The following CYFIP2 variants were observed in gnomAD, a reference collection of about 807,000 sequenced individuals.
CYFIP2 encodes the protein cytoplasmic FMR1-interacting protein 2.
A neutral mutation model predicts 158.7 loss-of-function variants in CYFIP2; 29 were observed. That is an observed-to-expected ratio of 0.18 (90% CI 0.14 to 0.25). The LOEUF (loss-of-function observed/expected upper bound fraction) is 0.25, where lower values mean the gene tolerates loss of function less well. Ranked by LOEUF, CYFIP2 falls within the 10% of genes least tolerant of loss-of-function variation. The pLI, the probability that CYFIP2 is intolerant of heterozygous loss-of-function variation, is 1.00. For synonymous variants in CYFIP2, 585 were observed against 617.6 expected, an observed-to-expected ratio of 0.95 and a Z score of 0.78; for missense variants, 852 against 1,639.5, an observed-to-expected ratio of 0.52 and a Z score of 8.29.
rs1005743534 is a variant in CYFIP2 at position 157,339,390 on chromosome 5, G to A, written c.2585+134G>A. 2.0e-5 allele frequency: 15 copies of A among 744,158 alleles called. No homozygotes were observed. The African/African-American group carries it at 2.3e-4, about 11-fold the overall frequency. The allele number at this position is 744,158 out of a possible 1,614,324, so 46.1% of individuals were successfully genotyped here. ...CTCTCAGAGCCCCTCCTGGGCACAG[G>A]CTTTGTGCTGTCTCACTTGCCTAAG... On this transcript the variant is annotated intron_variant, in intron 22 of 30. Coordinates refer to ENST00000620254, the MANE Select transcript of CYFIP2 (RefSeq NM_001037333.3).
At chr5:157,390,476 C>CACA in intron 29 of CYFIP2, 45 bp from the exon 30 acceptor site, 1 of 1,497,694 alleles carries the variant, frequency 6.7e-7, no homozygotes, top group Non-Finnish European at 9.0e-7. Context: ...CCCTGCCCTC[C>CACA]TCCCCCGACC....
At chr5:157,332,610 G>A (rs1441736314) in intron 20 of CYFIP2, among the ~76,000 whole-genome samples, 1 of 152,064 alleles carries the variant, frequency 6.6e-6, no homozygotes, top group African/African-American at 2.4e-5. Context: ...TTTCTTATCG[G>A]TGCATGCACG....
At position 157,311,432 on chromosome 5, in the gene CYFIP2, T is replaced by C. The variant is rs1218912244; in HGVS notation, c.993-232T>C. 3.6e-6 allele frequency: 2 copies of C among 557,712 alleles called. No individual in the cohort carries two copies. The highest frequency in any genetic ancestry group is 6.4e-6 in the Non-Finnish European group (2 of 310,450). 34.5% of individuals were successfully genotyped at this position (557,712 alleles called of 1,614,324 possible). On this transcript the variant is annotated intron_variant, in intron 10 of 30. Transcript: ENST00000620254. The surrounding 1 kb of genome is among the most constrained non-coding windows in gnomAD (Gnocchi z 4.7). ...ACCAGGTATCTGGAAAGGCCTACAG[T>C]TGGATCCTAGATGAGGCTGGCACCA...
chr5:157,380,454 T>C (rs1765938150), intron 26 of CYFIP2, among the ~76,000 whole-genome samples: 1 of 152,180 alleles, frequency 6.6e-6, no homozygotes. Flanking sequence ...AGAAGCAAAA[T>C]GAGGTTCATT....
At chr5:157,364,771 A>G (rs1464078984) in intron 26 of CYFIP2, 2 of 152,234 alleles carry the variant, frequency 1.3e-5, no homozygotes, top group East Asian at 1.9e-4. Flanking sequence ...TTAGGAAGCT[A>G]GAATTAAATT....
intron 26 of CYFIP2, among the ~76,000 whole-genome samples, chr5:157,369,432 G>T (rs796895131): frequency 6.6e-6 from 1 of 152,134 alleles, no homozygotes; most frequent in Non-Finnish European, 1.5e-5. Flanking sequence ...GGTCATTAGC[G>T]TATCCTCAAC....
intron 23 of CYFIP2, among the ~76,000 whole-genome samples, chr5:157,350,829 G>A (rs1436209703): frequency 6.6e-6 from 1 of 152,138 alleles, no homozygotes; most frequent in Non-Finnish European, 1.5e-5. Context: ...AGTTTTCCTT[G>A]TAGAGGTCTT....
At chr5:157,389,531 G>C in intron 29 of CYFIP2, 104 bp downstream of exon 29, 1 of 1,083,566 alleles carries the variant, frequency 9.2e-7, no homozygotes, top group Non-Finnish European at 1.3e-6. Flanking sequence ...GGGGGTGGGG[G>C]TGGTTGGCCA....
rs1341378145 is a variant in CYFIP2 at position 157,330,788 on chromosome 5, G to A, written c.2203G>A (p.Val735Ile). Reference protein sequence around the residue: ...RFRAECKNYGVIIPYPPSNRY... With the variant: ...RFRAECKNYGIIIPYPPSNRY... Reference sequence around the variant, plus strand: ...TCGAGCTGAGTGTAAGAATTATGGCGTCATCATTCCGTATCCACCGTCCAA... The same window carrying A: ...TCGAGCTGAGTGTAAGAATTATGGCATCATCATTCCGTATCCACCGTCCAA... Residue 735 changes from valine (V) to isoleucine (I), a missense_variant, in exon 20 of 31, where the codon GTC (valine) becomes ATC (isoleucine). Val to Ile is a conservative substitution (Grantham distance 29, BLOSUM62 3). Around this residue, in one of 8 missense-constraint regions of CYFIP2, gnomAD observed 191 missense variants for 311.2 expected, o/e 0.61. Transcript: ENST00000620254. 7.4e-6 allele frequency: 12 copies of A among 1,613,814 alleles called. No homozygotes were observed. The highest frequency in any genetic ancestry group is 5.3e-5 in the African/African-American group (4 of 74,894).
chr5:157,281,796 CT>C (rs1359514811), intron 1 of CYFIP2, among the ~76,000 whole-genome samples: 1 of 152,202 alleles, frequency 6.6e-6, no homozygotes, highest in Non-Finnish European at 1.5e-5. Context: ...ATTCTAGCCC[CT>C]ATCTCTTAAC....
In CYFIP2 at chr5:157,339,273, G is replaced by T; in HGVS notation, c.2585+17G>T. On this transcript the variant is annotated intron_variant, in intron 22 of 30. Coordinates refer to ENST00000620254, the MANE Select transcript of CYFIP2 (RefSeq NM_001037333.3). ...CACTAACCGGTAAGGGAGTCCCTGT[G>T]CAGAGGGGGCCGGGTGGGGGTTGGG... The T allele has an allele frequency of 1.2e-6, 2 of 1,607,730 alleles. No homozygotes were observed. Among genetic ancestry groups the T allele is most frequent in the Non-Finnish European group, 1.7e-6 (2 of 1,175,300 alleles).
intron 26 of CYFIP2, 31 bp from the exon 27 acceptor site, chr5:157,382,559 G>A (rs766487881): frequency 6.2e-7 from 1 of 1,611,806 alleles, no homozygotes; most frequent in Admixed American, 1.7e-5. Context: ...AATGAAAATT[G>A]TTTTCTCTTT....
chr5:157,328,163 T>A (rs1761172379), intron 19 of CYFIP2, 114 bp downstream of exon 19: 4 of 1,015,250 alleles, frequency 3.9e-6, no homozygotes, highest in Non-Finnish European at 5.8e-6. Context: ...AACAGAGCCA[T>A]TCCACGGACC....
At chr5:157,333,094 C>T (rs1761600589) in intron 20 of CYFIP2, among the ~76,000 whole-genome samples, 1 of 152,142 alleles carries the variant, frequency 6.6e-6, no homozygotes, top group Admixed American at 6.5e-5. Context: ...CGTTGGAATC[C>T]CAGGTTCCAC....
intron 15 of CYFIP2, among the ~76,000 whole-genome samples, chr5:157,321,479 G>A (rs1212354418): frequency 6.6e-6 from 1 of 152,160 alleles, no homozygotes. Context: ...CTTATCCAGA[G>A]CAGTCATAAC....
chr5:157,289,248 C>T (rs1757633984), intron 3 of CYFIP2, among the ~76,000 whole-genome samples: 1 of 152,168 alleles, frequency 6.6e-6, no homozygotes, highest in Admixed American at 6.5e-5. Flanking sequence ...GGGGAGAGCA[C>T]ACCATGTGGA....
At chr5:157,309,679 C>T in intron 9 of CYFIP2, 64 bp from the exon 10 acceptor site, 1 of 1,447,380 alleles carries the variant, frequency 6.9e-7, no homozygotes. Context: ...AGTGGGGTGG[C>T]AGCGAAGGCA....
At chr5:157,392,611 T>C (rs1767421196) in intron 30 of CYFIP2, among the ~76,000 whole-genome samples, 1 of 152,190 alleles carries the variant, frequency 6.6e-6, no homozygotes, top group Non-Finnish European at 1.5e-5. Flanking sequence ...CACAGTGTTG[T>C]TGATTATTGT....
At chr5:157,284,358 G>A (rs964484038) in intron 1 of CYFIP2, among the ~76,000 whole-genome samples, 22 of 152,118 alleles carry the variant, frequency 1.4e-4, no homozygotes, top group African/African-American at 5.1e-4. Flanking sequence ...CTTGAAGTAT[G>A]TTTTATAAAT....
Sources: allele counts gnomAD v4.1 joint callset (sites outside exome capture counted in the v4.1 genomes callset), GRCh38; gene constraint gnomAD v4.1.1; regional missense constraint gnomAD v4.1.1; non-coding constraint Gnocchi (gnomAD v3.1); transcripts MANE v1.5; gene names NCBI Gene and HGNC (gene_info 2026-07-23, HGNC 2026-07-21).